Variants in PGAP4 observed in about 807,000 individuals in gnomAD.
PGAP4 encodes GPI-N-acetylgalactosamine transferase PGAP4.
A neutral mutation model predicts 28.2 loss-of-function variants in PGAP4; 12 were observed. That is an observed-to-expected ratio of 0.42 (90% CI 0.27 to 0.69). The LOEUF (loss-of-function observed/expected upper bound fraction) is 0.69. Among genes scored for constraint, PGAP4 ranks in the 30% least tolerant of loss-of-function variants. The probability of loss-of-function intolerance (pLI) is 0.22; values close to 1 mark genes in which losing one functional copy is unlikely to be tolerated. For synonymous variants in PGAP4, 205 were observed against 211.8 expected, an observed-to-expected ratio of 0.97 and a Z score of 0.28; for missense variants, 425 against 513.5, an observed-to-expected ratio of 0.83 and a Z score of 1.67.
At chr9:101,511,356 C>T (rs755503661) in intron 2 of PGAP4, among the ~76,000 whole-genome samples, 2 of 152,124 alleles carry the variant, frequency 1.3e-5, no homozygotes, top group Non-Finnish European at 2.9e-5. Context: ...TCTCCAAACC[C>T]CAGGCCACAG....
upstream of PGAP4, among the ~76,000 whole-genome samples, chr9:101,491,384 T>C (rs1225305650): frequency 2.0e-5 from 3 of 152,192 alleles, no homozygotes; most frequent in Admixed American, 2.0e-4. Flanking sequence ...ATTTGATCAT[T>C]GCTGTTGACA....
chr9:101,524,036 C>G (rs1827011574), intron 2 of PGAP4, among the ~76,000 whole-genome samples: 1 of 151,848 alleles, frequency 6.6e-6, no homozygotes, highest in Non-Finnish European at 1.5e-5. Flanking sequence ...CGAGTCTACC[C>G]AGCTCCGGGC....
chr9:101,529,795 A>C (rs1827071236), intron 2 of PGAP4, among the ~76,000 whole-genome samples: 2 of 152,226 alleles, frequency 1.3e-5, no homozygotes, highest in South Asian at 4.1e-4. Flanking sequence ...GGACACTCCC[A>C]GGTGGACCTG....
intron 1 of PGAP4, among the ~76,000 whole-genome samples, chr9:101,531,970 C>T (rs955877548): frequency 6.6e-6 from 1 of 152,216 alleles, no homozygotes; most frequent in Non-Finnish European, 1.5e-5. Context: ...GAGAGCCACG[C>T]CAAGCGTGGT....
At chr9:101,523,383 T>C (rs926947724) in intron 2 of PGAP4, among the ~76,000 whole-genome samples, 4 of 151,976 alleles carry the variant, frequency 2.6e-5, no homozygotes, top group African/African-American at 4.8e-5. Flanking sequence ...TCCAGACTTC[T>C]TGGAGGCTTT....
At chr9:101,505,204 A>G (rs892432086) in intron 2 of PGAP4, among the ~76,000 whole-genome samples, 1 of 151,674 alleles carries the variant, frequency 6.6e-6, no homozygotes, top group Non-Finnish European at 1.5e-5. Context: ...GTGAATACTT[A>G]CAAAAGTGGC....
chr9:101,529,280 C>T (rs1472429298), intron 2 of PGAP4, among the ~76,000 whole-genome samples: 6 of 151,660 alleles, frequency 4.0e-5, no homozygotes, highest in African/African-American at 1.5e-4. Flanking sequence ...CTCAGCCTCC[C>T]GAGTAGCTGG....
At chr9:101,527,636 C>T (rs1020603752) in intron 2 of PGAP4, among the ~76,000 whole-genome samples, 2 of 152,080 alleles carry the variant, frequency 1.3e-5, no homozygotes, top group African/African-American at 4.8e-5. Flanking sequence ...TCATGGGCCA[C>T]TTAATGTTTA....
chr9:101,520,214 G>T (rs369836419), intron 2 of PGAP4, among the ~76,000 whole-genome samples: 66 of 152,148 alleles, frequency 4.3e-4, no homozygotes, highest in African/African-American at 1.5e-3. Flanking sequence ...GGTTCCATAT[G>T]AATTTTAGAA....
At chr9:101,499,426 TTGG>T (rs1826779005) in intron 2 of PGAP4, among the ~76,000 whole-genome samples, 1 of 151,940 alleles carries the variant, frequency 6.6e-6, no homozygotes, top group Non-Finnish European at 1.5e-5. Flanking sequence ...AAATGTGTAT[TTGG>T]GAATAGAACA....
At chr9:101,506,805 T>C (rs954908947) in intron 2 of PGAP4, among the ~76,000 whole-genome samples, 2 of 152,126 alleles carry the variant, frequency 1.3e-5, no homozygotes, top group Admixed American at 1.3e-4. Context: ...GAGCCAATAA[T>C]AGAAGATTCA....
At chr9:101,518,828 C>T (rs1307116145) in intron 2 of PGAP4, among the ~76,000 whole-genome samples, 3 of 152,174 alleles carry the variant, frequency 2.0e-5, no homozygotes, top group African/African-American at 7.2e-5. Context: ...AGTAGATACC[C>T]AGTAATGGGA....
chr9:101,484,053 A>G (rs2118548076), intron 1 of PGAP4, among the ~76,000 whole-genome samples: 1 of 152,292 alleles, frequency 6.6e-6, no homozygotes, highest in Non-Finnish European at 1.5e-5. Context: ...GGCAGTATCT[A>G]TAAAAATTTT....
chr9:101,533,057 A>G (rs1827120021), exon 1 of PGAP4: 1 of 152,218 alleles, frequency 6.6e-6, no homozygotes, highest in Non-Finnish European at 1.5e-5. Context: ...AAACGCATTT[A>G]GTTTAACTGA....
rs1443462705 is a variant in PGAP4, at chr9:101,477,130, A to G, written c.-38T>C. On this transcript the variant is annotated 5_prime_UTR_variant, in exon 2 of 2. Transcript: ENST00000374848. Reference sequence around the variant, plus strand: ...TGTTCATGTCTGGTCCCAAGAAAAAACCATCCTGGAACTCAGGCCAGAGTC... The same window carrying G: ...TGTTCATGTCTGGTCCCAAGAAAAAGCCATCCTGGAACTCAGGCCAGAGTC... 5 of 1,517,814 alleles carry G rather than the reference A, an allele frequency of 3.3e-6. No individual in the cohort carries two copies. The highest frequency in any genetic ancestry group is 2.8e-5 in the African/African-American group (2 of 71,802). 94.0% of individuals were successfully genotyped at this position (1,517,814 alleles called of 1,614,324 possible).
At position 101,475,870 on chromosome 9, in the gene PGAP4, C is replaced by T; in HGVS notation, c.*11G>A. The T allele has an allele frequency of 6.2e-7, 1 of 1,605,416 alleles. No individual in the cohort carries two copies. Among genetic ancestry groups the T allele is most frequent in the Non-Finnish European group, 8.5e-7 (1 of 1,176,208 alleles). ...GAAGTGGCCAACTTCAGAAAGGCAT[C>T]TCTTGGCACCCTAGAGGAGACTGGG... On this transcript the variant is annotated 3_prime_UTR_variant, in exon 2 of 2. Coordinates refer to ENST00000374848, the MANE Select transcript of PGAP4 (RefSeq NM_032342.3).
In PGAP4 at chr9:101,511,997, A is replaced by C. The variant is rs141314222; in HGVS notation, c.-165+19351T>G. 4.5e-3 allele frequency among the ~76,000 whole-genome samples: 689 copies of C among 152,294 alleles called. 6 individuals are homozygous for C. The highest frequency in any genetic ancestry group is 0.015 in the African/African-American group (627 of 41,564). ...TGACAAAAACTCAAAGAAATGTGTAATAATGAGGACACTCTAACCTGTGAA... is the reference window on the plus strand; with the variant it reads ...TGACAAAAACTCAAAGAAATGTGTACTAATGAGGACACTCTAACCTGTGAA... On this transcript the variant is annotated intron_variant, in intron 2 of 3. Transcript: ENST00000374851.
At chr9:101,484,653 G>A (rs1420581689) in intron 1 of PGAP4, among the ~76,000 whole-genome samples, 1 of 152,114 alleles carries the variant, frequency 6.6e-6, no homozygotes, top group Non-Finnish European at 1.5e-5. Context: ...TTTCTCACAT[G>A]TAAACCGGAA....
chr9:101,508,818 C>T (rs74439596), intron 2 of PGAP4, among the ~76,000 whole-genome samples: 1,724 of 152,266 alleles, frequency 0.011, 24 homozygotes, highest in Non-Finnish European at 0.014. Context: ...AATTAGATGG[C>T]CCTATCTGAG....
Sources: allele counts gnomAD v4.1 joint callset (sites outside exome capture counted in the v4.1 genomes callset), GRCh38; gene constraint gnomAD v4.1.1; transcripts MANE v1.5; gene names NCBI Gene and HGNC (gene_info 2026-07-23, HGNC 2026-07-21).